The following EHMT1 variants were observed in gnomAD, a reference collection of about 807,000 sequenced individuals.
EHMT1 encodes histone-lysine N-methyltransferase EHMT1.
In EHMT1, 15 loss-of-function variants were observed where a neutral mutation model predicts 147.2. The observed-to-expected ratio is 0.10, with a 90% confidence interval of 0.07 to 0.16. The LOEUF (loss-of-function observed/expected upper bound fraction) is 0.16, where lower values mean the gene tolerates loss of function less well. Among genes scored for constraint, EHMT1 ranks in the 10% least tolerant of loss-of-function variants. EHMT1 has a pLI of 1.00. For missense variants in EHMT1, 1,587 were observed against 1,772.4 expected (o/e 0.90, Z 1.88); for synonymous variants, 795 against 709.6 (o/e 1.12, Z -1.91).
chr9:137,784,685 G>C (rs1951819996), intron 15 of EHMT1: 1 of 154,958 alleles, frequency 6.5e-6, no homozygotes, highest in Admixed American at 6.5e-5. Context: ...CCCTGGCAGG[G>C]GGGTGAGGGA....
chr9:137,824,940 C>T (rs1401427037), intron 25 of EHMT1, among the ~76,000 whole-genome samples: 1 of 152,112 alleles, frequency 6.6e-6, no homozygotes, highest in African/African-American at 2.4e-5. Context: ...CGTTCTGAGC[C>T]GTGCAGCTTT....
At chr9:137,833,309 C>T (rs1956351222) in intron 25 of EHMT1, among the ~76,000 whole-genome samples, 1 of 152,234 alleles carries the variant, frequency 6.6e-6, no homozygotes, top group African/African-American at 2.4e-5. Context: ...GTTGCCTCTT[C>T]CCGTCGCTGG....
intron 4 of EHMT1, among the ~76,000 whole-genome samples, chr9:137,736,963 G>C (rs1947592125): frequency 6.6e-6 from 1 of 152,012 alleles, no homozygotes; most frequent in Non-Finnish European, 1.5e-5. Context: ...TGCACTTTGA[G>C]AGGCCACGGT....
intron 1 of EHMT1, among the ~76,000 whole-genome samples, chr9:137,665,127 T>C (rs1417209258): frequency 6.6e-6 from 1 of 152,178 alleles, no homozygotes; most frequent in Non-Finnish European, 1.5e-5. Flanking sequence ...AAATAGAAAA[T>C]AATATTTGTG....
At chr9:137,644,335 T>TC (rs1180890685) in intron 1 of EHMT1, among the ~76,000 whole-genome samples, 10 of 152,174 alleles carry the variant, frequency 6.6e-5, no homozygotes, top group South Asian at 4.2e-4. Context: ...ATACTTTTTT[T>TC]TTTTTTTGAG....
chr9:137,834,730 CG>C (rs753152619), intron 26 of EHMT1, 42 bp from the exon 27 acceptor site: 1 of 1,612,872 alleles, frequency 6.2e-7, no homozygotes, highest in South Asian at 1.1e-5. Flanking sequence ...TGGGAGGTGC[CG>C]GTGGGATTCG....
At chr9:137,765,664 T>TC (rs1950169017) in intron 10 of EHMT1, among the ~76,000 whole-genome samples, 1 of 2,634 alleles carries the variant, frequency 3.8e-4, no homozygotes, top group Non-Finnish European at 9.2e-4. Flanking sequence ...ACTGCCCCAC[T>TC]CCCCCCGCCC....
chr9:137,693,068 A>C (rs1943078721), intron 1 of EHMT1, among the ~76,000 whole-genome samples: 1 of 152,152 alleles, frequency 6.6e-6, no homozygotes, highest in African/African-American at 2.4e-5. Flanking sequence ...GGCAATAATA[A>C]GACTTTTTAG....
chr9:137,745,241 C>G (rs1377293284), intron 6 of EHMT1, among the ~76,000 whole-genome samples: 2 of 152,174 alleles, frequency 1.3e-5, no homozygotes, highest in African/African-American at 4.8e-5. Context: ...GTATACAAAG[C>G]ATTTTCTATC....
chr9:137,621,551 A>T (rs112862497), intron 1 of EHMT1, among the ~76,000 whole-genome samples: 5 of 152,162 alleles, frequency 3.3e-5, no homozygotes, highest in African/African-American at 9.6e-5. Context: ...TACAAAAATT[A>T]TCTGGGCATA....
At position 137,788,102 on chromosome 9, in the gene EHMT1, G is replaced by A. The variant is rs985584526; in HGVS notation, c.2383-2746G>A. Reference sequence around the variant, plus strand: ...CTCTCGTGGGGCCAGGAAGGGGGCAGAGGGGCCACAGAGGCCTCTCAGAGG... The same window carrying A: ...CTCTCGTGGGGCCAGGAAGGGGGCAAAGGGGCCACAGAGGCCTCTCAGAGG... On this transcript the variant is annotated intron_variant, in intron 15 of 26. Coordinates refer to ENST00000460843, the MANE Select transcript of EHMT1 (RefSeq NM_024757.5). The A allele has an allele frequency of 6.8e-6, 9 of 1,329,382 alleles. No homozygotes were observed. In the African/African-American group the frequency reaches 1.3e-4, roughly 20 times the overall value. 82.3% of individuals were successfully genotyped at this position (1,329,382 alleles called of 1,614,324 possible). A position where few individuals can be genotyped will look rare whatever the true frequency, so the allele number is the denominator to read the frequency against.
chr9:137,620,546 C>T (rs1229908421), intron 1 of EHMT1, among the ~76,000 whole-genome samples: 2 of 152,138 alleles, frequency 1.3e-5, no homozygotes, highest in African/African-American at 4.8e-5. Flanking sequence ...TGCTGCCACA[C>T]CTGGCCAATT....
chr9:137,820,381 G>A (rs541513775), intron 25 of EHMT1, among the ~76,000 whole-genome samples: 1 of 152,370 alleles, frequency 6.6e-6, no homozygotes, highest in East Asian at 1.9e-4. Context: ...CTGTGGGCTG[G>A]TGACACATAT....
chr9:137,787,725 C>G lies in EHMT1; in HGVS notation c.2383-3123C>G. 1.4e-6 allele frequency: 1 copy of G among 726,954 alleles called. No homozygotes were observed. The allele number at this position is 726,954 out of a possible 1,614,324, so 45.0% of individuals were successfully genotyped here. ...CAGGGGCCGCCAGGTCCCCAGGGTG[C>G]CACCGAAACATCGTAGATGCTTTTG... On this transcript the variant is annotated intron_variant, in intron 15 of 26. Transcript: ENST00000460843. The surrounding 1 kb of genome is among the most constrained non-coding windows in gnomAD (Gnocchi z 4.2).
chr9:137,808,247 C>T lies in EHMT1; in HGVS notation c.2713-3214C>T, dbSNP rs923321512. Among the ~76,000 whole-genome samples, 14 of 152,076 alleles carry T rather than the reference C, an allele frequency of 9.2e-5. No homozygotes were observed. In the East Asian group the frequency reaches 2.5e-3, roughly 27 times the overall value. On this transcript the variant is annotated intron_variant, in intron 18 of 26. Coordinates refer to ENST00000460843, the MANE Select transcript of EHMT1 (RefSeq NM_024757.5). ...TCCTGCCGGATGACCCACTTCCTGC[C>T]GGAAGTGCACAGATCTCTGGAACCT... is the stretch of plus-strand genomic sequence containing the variant.
At position 137,782,484 on chromosome 9, in the gene EHMT1, T is replaced by C; in HGVS notation, c.2382+87T>C. On this transcript the variant is annotated intron_variant, in intron 15 of 26. Transcript: ENST00000460843. This position sits in a 1 kb window ranked among gnomAD's most constrained non-coding sequence, Gnocchi z 5.7. The stretch of plus-strand genomic sequence containing the variant: ...AAAATCATACCACGTTCGCGGTTCT[T>C]CCAGTGTAAGAGTTCCGTAGTGCTG... 2 of 1,310,522 alleles carry C rather than the reference T, an allele frequency of 1.5e-6. No individual in the cohort carries two copies. Among genetic ancestry groups the C allele is most frequent in the Non-Finnish European group, 1.1e-6 (1 of 944,850 alleles). The allele number at this position is 1,310,522 out of a possible 1,614,324, so 81.2% of individuals were successfully genotyped here. A position where few individuals can be genotyped will look rare whatever the true frequency, so the allele number is the denominator to read the frequency against.
Position 137,813,199 on chromosome 9 carries a change from G to T in EHMT1, c.3035+26G>T, listed in dbSNP as rs1954632708. On this transcript the variant is annotated intron_variant, in intron 20 of 26. Coordinates refer to ENST00000460843, the MANE Select transcript of EHMT1 (RefSeq NM_024757.5). The surrounding 1 kb of genome is among the most constrained non-coding windows in gnomAD (Gnocchi z 4.9). The stretch of plus-strand genomic sequence containing the variant: ...GTGAGCCCAGCCCCAGGACGGCTTT[G>T]TGGCAAATCAGCGGTCAGCAGGGCT... 2 of 1,604,640 alleles carry T rather than the reference G, an allele frequency of 1.2e-6. No individual in the cohort carries two copies. Among genetic ancestry groups the T allele is most frequent in the Non-Finnish European group, 8.5e-7 (1 of 1,179,584 alleles).
chr9:137,686,306 C>T (rs575327556), intron 1 of EHMT1, among the ~76,000 whole-genome samples: 2 of 152,128 alleles, frequency 1.3e-5, no homozygotes, highest in Admixed American at 6.5e-5. Context: ...TGAAGACTTA[C>T]CCCTGTGTTT....
rs78630655 is a variant in EHMT1, at chr9:137,809,291, C to T, written c.2713-2170C>T. ...AGCTGGAAGGGTTGACGGTGCTGCACGGTGTGGAGTTGGGAGGGGGACTGC... is the reference window on the plus strand; with the variant it reads ...AGCTGGAAGGGTTGACGGTGCTGCATGGTGTGGAGTTGGGAGGGGGACTGC... On this transcript the variant is annotated intron_variant, in intron 18 of 26. Transcript: ENST00000460843. Among the ~76,000 whole-genome samples, 772 of 152,280 alleles carry T rather than the reference C, an allele frequency of 5.1e-3. 6 individuals carry two copies. The highest frequency in any genetic ancestry group is 0.018 in the African/African-American group (746 of 41,556).
Sources: gnomAD v4.1 joint callset for allele counts (sites outside exome capture counted in the v4.1 genomes callset) on GRCh38, gnomAD v4.1.1 for gene constraint, Gnocchi (gnomAD v3.1) non-coding constraint, MANE v1.5 for transcripts, NCBI Gene and HGNC (gene_info 2026-07-23, HGNC 2026-07-21) for gene names.